Variants in SPMIP2 observed in about 807,000 individuals in gnomAD.
SPMIP2 encodes the protein protein SPMIP2.
At chr4:158,968,547 G>A in the SPMIP2 span, among the ~76,000 whole-genome samples, 1 of 152,130 alleles carries the variant, frequency 6.6e-6, no homozygotes, top group East Asian at 1.9e-4. Flanking sequence ...TGATCTCATT[G>A]TCTATCATTG....
At chr4:158,904,242 C>G in the SPMIP2 span, among the ~76,000 whole-genome samples, 9 of 152,266 alleles carry the variant, frequency 5.9e-5, no homozygotes, top group South Asian at 1.0e-3. Flanking sequence ...CAACACACTT[C>G]CTGTATTTCT....
the SPMIP2 span, among the ~76,000 whole-genome samples, chr4:159,077,934 T>C: frequency 6.6e-6 from 1 of 152,228 alleles, no homozygotes; most frequent in Admixed American, 6.5e-5. Flanking sequence ...ACTTTCATTT[T>C]CTTTTCCAAT....
chr4:158,930,792 T>A, the SPMIP2 span, among the ~76,000 whole-genome samples: 2 of 152,258 alleles, frequency 1.3e-5, no homozygotes, highest in African/African-American at 4.8e-5. Context: ...GAGTCATGAG[T>A]CACTGTGCCC....
the SPMIP2 span, chr4:159,007,867 T>C: frequency 3.8e-6 from 2 of 523,934 alleles, no homozygotes; most frequent in Non-Finnish European, 7.5e-6. Context: ...AAATGACCTA[T>C]ATGTTGTGTG....
the SPMIP2 span, among the ~76,000 whole-genome samples, chr4:158,955,805 T>C: frequency 6.6e-6 from 1 of 152,238 alleles, no homozygotes; most frequent in East Asian, 1.9e-4. Context: ...CTATATAAAA[T>C]GCATCCTGAT....
the SPMIP2 span, among the ~76,000 whole-genome samples, chr4:159,053,781 T>C: frequency 9.2e-3 from 1,399 of 152,208 alleles, 25 homozygotes; most frequent in African/African-American, 0.032. Flanking sequence ...TTTTTCTTTC[T>C]TTCCTTCAAT....
chr4:159,030,568 C>T, the SPMIP2 span, among the ~76,000 whole-genome samples: 1 of 151,912 alleles, frequency 6.6e-6, no homozygotes, highest in Non-Finnish European at 1.5e-5. Context: ...GCAATCTTGG[C>T]TCACTGCAAC....
chr4:158,980,233 C>T, the SPMIP2 span, among the ~76,000 whole-genome samples: 1 of 152,176 alleles, frequency 6.6e-6, no homozygotes, highest in Non-Finnish European at 1.5e-5. Flanking sequence ...ATTCTCCTCT[C>T]CCTGGGACAG....
chr4:159,069,878 T>A, the SPMIP2 span, among the ~76,000 whole-genome samples: 2 of 152,180 alleles, frequency 1.3e-5, no homozygotes, highest in Admixed American at 1.3e-4. Context: ...TTAACAAGAA[T>A]GGCTTCCACC....
the SPMIP2 span, among the ~76,000 whole-genome samples, chr4:158,949,512 G>A: frequency 4.6e-5 from 7 of 152,230 alleles, no homozygotes; most frequent in East Asian, 3.8e-4. Context: ...AAGAGGTGGT[G>A]AAGCTGGGAC....
the SPMIP2 span, among the ~76,000 whole-genome samples, chr4:158,999,327 C>T: frequency 2.8e-4 from 43 of 152,254 alleles, no homozygotes; most frequent in African/African-American, 7.2e-4. Context: ...ATGAAAATGA[C>T]ACTTTTAGCC....
chr4:159,040,153 T>C, the SPMIP2 span, among the ~76,000 whole-genome samples: 1 of 152,024 alleles, frequency 6.6e-6, no homozygotes, highest in Admixed American at 6.6e-5. Context: ...TATGTGTGTG[T>C]GTGTGTGTGT....
the SPMIP2 span, among the ~76,000 whole-genome samples, chr4:159,069,603 T>TAA: frequency 1.4e-5 from 2 of 144,284 alleles, no homozygotes; most frequent in African/African-American, 5.1e-5. Flanking sequence ...CCTGGCTAAT[T>TAA]AAAAAAAAAA....
At chr4:159,025,474 CA>C in the SPMIP2 span, among the ~76,000 whole-genome samples, 1 of 152,158 alleles carries the variant, frequency 6.6e-6, no homozygotes, top group Admixed American at 6.5e-5. Context: ...CCAAAATCTG[CA>C]TTTTAACAAG....
At chr4:159,044,160 T>C in the SPMIP2 span, among the ~76,000 whole-genome samples, 1 of 152,116 alleles carries the variant, frequency 6.6e-6, no homozygotes, top group Admixed American at 6.5e-5. Flanking sequence ...ATAACATTTT[T>C]AAAATGTTAT....
At chr4:158,959,825 T>C in the SPMIP2 span, among the ~76,000 whole-genome samples, 3 of 152,164 alleles carry the variant, frequency 2.0e-5, no homozygotes, top group African/African-American at 7.2e-5. Context: ...ATAAGATAAT[T>C]TGAATTGAAG....
At chr4:159,006,092 G>GA in the SPMIP2 span, among the ~76,000 whole-genome samples, 1 of 152,186 alleles carries the variant, frequency 6.6e-6, no homozygotes, top group Non-Finnish European at 1.5e-5. Flanking sequence ...GTGGCTGCCA[G>GA]AAAATGTTCA....
chr4:159,058,949 T>C, the SPMIP2 span, among the ~76,000 whole-genome samples: 23 of 143,822 alleles, frequency 1.6e-4, no homozygotes, highest in Admixed American at 2.1e-4. Context: ...AGGATAACTA[T>C]TATAATGAAA....
At chr4:159,077,125 T>C in the SPMIP2 span, among the ~76,000 whole-genome samples, 1 of 148,674 alleles carries the variant, frequency 6.7e-6, no homozygotes. Context: ...CGCGAGCCAC[T>C]GCGCCTGGCC....
Sources: gnomAD v4.1 joint callset for allele counts (sites outside exome capture counted in the v4.1 genomes callset) on GRCh38, gnomAD v4.1.1 for gene constraint, MANE v1.5 for transcripts, NCBI Gene and HGNC (gene_info 2026-07-23, HGNC 2026-07-21) for gene names.